MTRF1L: variants seen among roughly 807,000 people sequenced by gnomAD.
MTRF1L encodes mitochondrial translation release factor 1 like.
MTRF1L carries 29 observed loss-of-function variants against 40.0 expected under a neutral mutation model. The ratio of observed to expected loss-of-function variants is 0.73; its 90% CI spans 0.54 to 0.99. The LOEUF is 0.99. Among genes scored for constraint, MTRF1L ranks in the 50% least tolerant of loss-of-function variants. MTRF1L has a pLI of 0.00. For synonymous variants in MTRF1L, 150 were observed against 175.8 expected (o/e 0.85, Z 1.16); for missense variants, 412 against 464.5 (o/e 0.89, Z 1.04).
chr6:152,994,468 A>C, intron 4 of MTRF1L, 45 bp downstream of exon 4: 1 of 1,524,276 alleles, frequency 6.6e-7, no homozygotes, highest in Non-Finnish European at 8.8e-7. Context: ...GGGACAAGGC[A>C]CTGTGCTAGG....
intron 1 of MTRF1L, 64 bp from the exon 2 acceptor site, chr6:152,998,693 T>C (rs1303763331): frequency 4.3e-5 from 48 of 1,110,176 alleles, no homozygotes; most frequent in Non-Finnish European, 5.4e-5. Flanking sequence ...AGCAGACTTC[T>C]AGGAAATAGT....
At chr6:152,998,174 AAAAG>A in intron 2 of MTRF1L, 1 of 152,004 alleles carries the variant, frequency 6.6e-6, no homozygotes, top group Middle Eastern at 3.4e-3. Context: ...AAAAAAAAAA[AAAAG>A]GGAAGATATG....
chr6:152,993,313 AT>A (rs1323052006), intron 4 of MTRF1L, among the ~76,000 whole-genome samples: 3 of 151,924 alleles, frequency 2.0e-5, no homozygotes, highest in East Asian at 1.9e-4. Context: ...GTTTTTTCAA[AT>A]TTTTCTGAGT....
rs185642532 is a variant in MTRF1L at position 152,997,108 on chromosome 6, T to C, written c.339+1442A>G. On this transcript the variant is annotated intron_variant, in intron 2 of 6. Transcript: ENST00000367233. ...AATCATTGATGCTTTATGAAAAGTTTATGGGGATGATGCCCTGAAGAAATC... is the reference window on the plus strand; with the variant it reads ...AATCATTGATGCTTTATGAAAAGTTCATGGGGATGATGCCCTGAAGAAATC... Among the ~76,000 whole-genome samples the C allele has an allele frequency of 1.7e-3, 260 of 152,264 alleles. 1 individual carries two copies. Among genetic ancestry groups the C allele is most frequent in the Non-Finnish European group, 3.2e-3 (217 of 68,016 alleles).
intron 6 of MTRF1L, among the ~76,000 whole-genome samples, chr6:152,990,911 C>T (rs999692908): frequency 7.9e-5 from 12 of 151,898 alleles, no homozygotes; most frequent in South Asian, 2.1e-4. Flanking sequence ...AACTTTCTTG[C>T]GTAATTAAAA....
At chr6:153,001,370 C>T (rs1562306003) in intron 1 of MTRF1L, among the ~76,000 whole-genome samples, 1 of 152,184 alleles carries the variant, frequency 6.6e-6, no homozygotes, top group African/African-American at 2.4e-5. Flanking sequence ...GTGTTCTCAT[C>T]TACTTCTAAG....
In MTRF1L at chr6:152,989,867, T is replaced by G; in HGVS notation, c.*28A>C. On this transcript the variant is annotated 3_prime_UTR_variant, in exon 7 of 7. Transcript: ENST00000367233. ...GATGTACTGTAGAATTTTTCTAAGC[T>G]ACGAAAGTCTATAAATAACAAATCA... The G allele has an allele frequency of 6.4e-7, 1 of 1,568,412 alleles. No individual in the cohort carries two copies. Among genetic ancestry groups the G allele is most frequent in the South Asian group, 1.2e-5 (1 of 81,138 alleles).
At chr6:152,994,009 C>A (rs891900796) in intron 4 of MTRF1L, among the ~76,000 whole-genome samples, 36 of 152,278 alleles carry the variant, frequency 2.4e-4, no homozygotes, top group African/African-American at 8.7e-4. Context: ...TGAGGCAAAA[C>A]AGAACTCCTA....
rs1009683057 is a variant in MTRF1L at position 152,998,657 on chromosome 6, T to C, written c.260-28A>G. On this transcript the variant is annotated intron_variant, in intron 1 of 6. Coordinates refer to ENST00000367233, the MANE Select transcript of MTRF1L (RefSeq NM_019041.7). ...AGGAAAAAAAGGGCAGAAGTTAAGG[T>C]TTTCCTTAATTAGTGTTAAATTGCT... The C allele has an allele frequency of 2.0e-6, 3 of 1,481,086 alleles. No homozygotes were observed. The African/African-American group carries it at 4.3e-5, about 21-fold the overall frequency. The allele number at this position is 1,481,086 out of a possible 1,614,324, so 91.7% of individuals were successfully genotyped here.
At chr6:153,002,335 G>GTT (rs1778949855) in intron 1 of MTRF1L, 92 bp downstream of exon 1, 1 of 1,587,690 alleles carries the variant, frequency 6.3e-7, no homozygotes, top group Non-Finnish European at 8.6e-7. Flanking sequence ...AGTGAGTAAA[G>GTT]AGTTTCAAAC....
At chr6:153,000,426 A>C (rs1349435799) in intron 1 of MTRF1L, among the ~76,000 whole-genome samples, 2 of 152,218 alleles carry the variant, frequency 1.3e-5, no homozygotes, top group Non-Finnish European at 2.9e-5. Flanking sequence ...GCTACTGGCT[A>C]CTATATTGGA....
At chr6:153,001,058 A>G (rs960415042) in intron 1 of MTRF1L, among the ~76,000 whole-genome samples, 1 of 151,922 alleles carries the variant, frequency 6.6e-6, no homozygotes, top group Non-Finnish European at 1.5e-5. Flanking sequence ...TTGTTTGTAG[A>G]GACAGGGTTT....
chr6:152,993,660 T>G (rs573725620), intron 4 of MTRF1L, among the ~76,000 whole-genome samples: 1 of 152,166 alleles, frequency 6.6e-6, no homozygotes, highest in Admixed American at 6.5e-5. Context: ...CTAGAGGAAT[T>G]AGATGATACA....
chr6:152,997,167 G>C (rs940317122), intron 2 of MTRF1L, among the ~76,000 whole-genome samples: 13 of 152,182 alleles, frequency 8.5e-5, no homozygotes, highest in Non-Finnish European at 1.6e-4. Flanking sequence ...ATTTTAAGTA[G>C]AGACAAGATG....
Position 152,987,766 on chromosome 6 carries a change from A to ACCAGATTTCTAG in MTRF1L, c.*2117_*2128dup. 1 of 98,018 alleles carries ACCAGATTTCTAG rather than the reference A, an allele frequency of 1.0e-5. No individual in the cohort carries two copies. The highest frequency in any genetic ancestry group is 2.0e-5 in the Non-Finnish European group (1 of 49,480). 6.1% of individuals were successfully genotyped at this position (98,018 alleles called of 1,614,324 possible). ...AATTTTGGTTCTTTCTGAACAATGCACCAGATTTCTAGACAAATACTTAAG... is the reference window on the plus strand; with the variant it reads ...AATTTTGGTTCTTTCTGAACAATGCACCAGATTTCTAGCCAGATTTCTAGACAAATACTTAAG... On this transcript the variant is annotated 3_prime_UTR_variant, in exon 7 of 7. Transcript: ENST00000367233.
chr6:153,000,495 ACTT>A (rs1436571772), intron 1 of MTRF1L, among the ~76,000 whole-genome samples: 2 of 152,170 alleles, frequency 1.3e-5, no homozygotes, highest in Non-Finnish European at 2.9e-5. Context: ...GTAATATACT[ACTT>A]CTTTAATTTC....
At chr6:152,999,277 CATAT>C (rs1778825110) in intron 1 of MTRF1L, among the ~76,000 whole-genome samples, 1 of 117,894 alleles carries the variant, frequency 8.5e-6, no homozygotes, top group African/African-American at 3.1e-5. Flanking sequence ...TGATATGCAG[CATAT>C]ATAAAGGAGG....
At position 152,989,795 on chromosome 6, in the gene MTRF1L, T is replaced by G. The variant is rs1158035547; in HGVS notation, c.*100A>C. 20 of 1,368,940 alleles carry G rather than the reference T, an allele frequency of 1.5e-5. No homozygotes were observed. Among genetic ancestry groups the G allele is most frequent in the African/African-American group, 3.1e-5 (2 of 64,448 alleles). The allele number at this position is 1,368,940 out of a possible 1,614,324, so 84.8% of individuals were successfully genotyped here. The stretch of plus-strand genomic sequence containing the variant: ...AATATGCATATTACCTCCAACTGTG[T>G]TAACTCAACGTTTTTCAAGAGAGTA... On this transcript the variant is annotated 3_prime_UTR_variant, in exon 7 of 7. Coordinates refer to ENST00000367233, the MANE Select transcript of MTRF1L (RefSeq NM_019041.7).
intron 2 of MTRF1L, 177 bp downstream of exon 2, chr6:152,998,373 C>T: frequency 2.3e-6 from 1 of 441,218 alleles, no homozygotes; most frequent in South Asian, 4.1e-5. Context: ...CATCATATAC[C>T]TTAAATATAT....
Sources: gnomAD v4.1 joint callset for allele counts (sites outside exome capture counted in the v4.1 genomes callset) on GRCh38, gnomAD v4.1.1 for gene constraint, MANE v1.5 for transcripts, NCBI Gene and HGNC (gene_info 2026-07-23, HGNC 2026-07-21) for gene names.